The following SHROOM4 variants were observed in gnomAD, a reference collection of about 807,000 sequenced individuals.
SHROOM4 encodes the protein protein Shroom4.
In SHROOM4, 17 loss-of-function variants were observed where a neutral mutation model predicts 80.3. The ratio of observed to expected loss-of-function variants is 0.21; its 90% CI spans 0.14 to 0.32. The LOEUF (loss-of-function observed/expected upper bound fraction) is 0.32. Among genes scored for constraint, SHROOM4 ranks in the 10% least tolerant of loss-of-function variants. The pLI, the probability that SHROOM4 is intolerant of heterozygous loss-of-function variation, is 1.00. For missense variants in SHROOM4, 993 were observed against 1,140.3 expected (o/e 0.87, Z 1.86); for synonymous variants, 400 against 437.5 (o/e 0.91, Z 1.07).
At chrX:50,624,264 C>T (rs977613509) in intron 5 of SHROOM4, among the ~76,000 whole-genome samples, 6 of 111,841 alleles carry the variant, frequency 5.4e-5, no homozygotes, top group African/African-American at 1.6e-4. Flanking sequence ...CTATGCCTAC[C>T]GCTTTACTGA....
intron 2 of SHROOM4, among the ~76,000 whole-genome samples, chrX:50,661,730 T>A (rs987098118): frequency 2.7e-5 from 3 of 112,040 alleles, no homozygotes; most frequent in Middle Eastern, 4.2e-3. Context: ...ATTCAGACCT[T>A]TCCTGACTAG....
In SHROOM4 at chrX:50,725,420, G is replaced by A. The variant is rs932476829; in HGVS notation, c.118-29483C>T. Among the ~76,000 whole-genome samples the A allele has an allele frequency of 4.5e-5, 5 of 112,098 alleles. No homozygotes were observed. The Admixed American group carries it at 4.7e-4, about 11-fold the overall frequency. ...GGGCATAGGTTCCACGGTGGGAGGC[G>A]CAAGCAGAGAGTATCAGGGCCATAT... On this transcript the variant is annotated intron_variant, in intron 1 of 8. Coordinates refer to ENST00000376020, the MANE Select transcript of SHROOM4 (RefSeq NM_020717.5).
In SHROOM4 at chrX:50,634,019, A is replaced by T; in HGVS notation, c.2054T>A (p.Ile685Lys). The T allele has an allele frequency of 8.3e-7, 1 of 1,211,780 alleles. No homozygotes were observed. The highest frequency in any genetic ancestry group is 1.1e-6 in the Non-Finnish European group (1 of 895,439). ...HESRTGLEGRISPGQRPGQSS... is the reference protein window; with the variant it reads ...HESRTGLEGRKSPGQRPGQSS... Reference sequence around the variant, plus strand: ...CTGGCCAGGCCTCTGGCCAGGGCTTATTCGTCCCTCTAAGCCTGTCCTAGA... The same window carrying T: ...CTGGCCAGGCCTCTGGCCAGGGCTTTTTCGTCCCTCTAAGCCTGTCCTAGA... The change falls in exon 4 of 9, where the codon ATA becomes AAA. Residue 685 changes from isoleucine to lysine, a missense_variant. Ile to Lys is a moderately radical substitution (Grantham distance 102). Coordinates refer to ENST00000376020, the MANE Select transcript of SHROOM4 (RefSeq NM_020717.5).
At chrX:50,651,857 T>A (rs1025388513) in intron 2 of SHROOM4, among the ~76,000 whole-genome samples, 1 of 110,853 alleles carries the variant, frequency 9.0e-6, no homozygotes. Context: ...CCTGTGTTAG[T>A]TTACCTAGAA....
chrX:50,699,497 T>C (rs17003179), intron 1 of SHROOM4, among the ~76,000 whole-genome samples: 6,808 of 111,926 alleles, frequency 0.061, 554 homozygotes, highest in African/African-American at 0.21. Flanking sequence ...CTCAGCTTTT[T>C]GTCCCATTGT....
At chrX:50,740,203 G>A (rs1934618992) in intron 1 of SHROOM4, among the ~76,000 whole-genome samples, 1 of 94,451 alleles carries the variant, frequency 1.1e-5, no homozygotes, top group Admixed American at 1.2e-4. Flanking sequence ...GAGAGGGGAG[G>A]GATAGCATTA....
At chrX:50,728,516 C>T (rs1474232522) in intron 1 of SHROOM4, among the ~76,000 whole-genome samples, 1 of 112,191 alleles carries the variant, frequency 8.9e-6, no homozygotes, top group Admixed American at 9.4e-5. Context: ...ATTCTCCAAG[C>T]CACACACAGA....
rs141629603 is a variant in SHROOM4, at chrX:50,776,098, T to C, written c.117+37804A>G. ...CAAATCTTGTAGTCTTCCAATTCAATGGCTGCTAAACAGAGCCAGCCCTAT... is the reference window on the plus strand; with the variant it reads ...CAAATCTTGTAGTCTTCCAATTCAACGGCTGCTAAACAGAGCCAGCCCTAT... On this transcript the variant is annotated intron_variant, in intron 1 of 8. Coordinates refer to ENST00000376020, the MANE Select transcript of SHROOM4 (RefSeq NM_020717.5). 6.2e-4 allele frequency among the ~76,000 whole-genome samples: 69 copies of C among 111,020 alleles called. 1 individual carries two copies. In the East Asian group the frequency reaches 0.015, roughly 24 times the overall value.
In SHROOM4 at chrX:50,596,908, C is replaced by G. The variant is rs1462824027; in HGVS notation, c.4269G>C (p.Glu1423Asp). The G allele has an allele frequency of 8.3e-7, 1 of 1,210,215 alleles. No individual in the cohort carries two copies. The highest frequency in any genetic ancestry group is 1.7e-5 in the African/African-American group (1 of 57,365). The change falls in exon 9 of 9, where the codon GAG (glutamate) becomes GAC (aspartate). Residue 1423 changes from glutamate to aspartate, a missense_variant. Glu to Asp is a conservative substitution (Grantham distance 45). Transcript: ENST00000376020. ...QLTGQLADAK[E>D]LKEHVDRREK... ...CCCGGCGGTCCACGTGCTCCTTCAG[C>G]TCCTTGGCATCTGCCAACTGCCCCG...
At chrX:50,637,755 T>C (rs1486642689) in intron 3 of SHROOM4, among the ~76,000 whole-genome samples, 1 of 112,077 alleles carries the variant, frequency 8.9e-6, no homozygotes, top group Admixed American at 9.4e-5. Flanking sequence ...GCTTTGGCTA[T>C]GTGACAGAGG....
intron 2 of SHROOM4, among the ~76,000 whole-genome samples, chrX:50,655,451 C>A (rs1228583318): frequency 9.4e-5 from 10 of 106,608 alleles, no homozygotes; most frequent in Non-Finnish European, 1.7e-4. Context: ...GGATTTCCTT[C>A]TTTTTTATGG....
In SHROOM4 at chrX:50,634,302, T is replaced by A; in HGVS notation, c.1771A>T (p.Asn591Tyr). 8.3e-7 allele frequency: 1 copy of A among 1,211,096 alleles called. No individual in the cohort carries two copies. Residue 591 changes from asparagine to tyrosine, a missense_variant, in exon 4 of 9, where the codon AAT becomes TAT. Coordinates refer to ENST00000376020, the MANE Select transcript of SHROOM4 (RefSeq NM_020717.5). Reference sequence around the variant, plus strand: ...CTCCTCTGAATTTCATTACGCAGATTGGTAGCAAAACGCTCACTCTTCCGC... The same window carrying A: ...CTCCTCTGAATTTCATTACGCAGATAGGTAGCAAAACGCTCACTCTTCCGC... ...NRRKSERFAT[N>Y]LRNEIQRRKA...
In SHROOM4 at chrX:50,594,115, G is replaced by A. The variant is rs1220115402; in HGVS notation, c.*2580C>T. On this transcript the variant is annotated 3_prime_UTR_variant, in exon 9 of 9. Transcript: ENST00000376020. Reference sequence around the variant, plus strand: ...GTTAAGACTGATAACTGTCTTTGGGGATCTCCCTTGGCCTGCCTTCCAAAC... The same window carrying A: ...GTTAAGACTGATAACTGTCTTTGGGAATCTCCCTTGGCCTGCCTTCCAAAC... 1 of 112,159 alleles carries A rather than the reference G, an allele frequency of 8.9e-6. No homozygotes were observed. Among genetic ancestry groups the A allele is most frequent in the African/African-American group, 3.2e-5 (1 of 30,833 alleles). The allele number at this position is 112,159 out of a possible 1,213,427, so 9.2% of individuals were successfully genotyped here. A position where few individuals can be genotyped will look rare whatever the true frequency, so the allele number is the denominator to read the frequency against.
rs1011142261 is a variant in SHROOM4, at chrX:50,716,936, T to C, written c.118-20999A>G. Among the ~76,000 whole-genome samples the C allele has an allele frequency of 7.1e-5, 8 of 112,648 alleles. No homozygotes were observed. In the Admixed American group the frequency reaches 7.5e-4, roughly 11 times the overall value. ...TTCTTGTTATGTGAGATAATACATT[T>C]CCTAATTGTTTAAGCCAGTTAGAGT... On this transcript the variant is annotated intron_variant, in intron 1 of 8. Coordinates refer to ENST00000376020, the MANE Select transcript of SHROOM4 (RefSeq NM_020717.5).
At chrX:50,683,758 C>T (rs1287010386) in intron 2 of SHROOM4, among the ~76,000 whole-genome samples, 1 of 110,509 alleles carries the variant, frequency 9.0e-6, no homozygotes, top group African/African-American at 3.3e-5. Flanking sequence ...ATGAAGATAC[C>T]TAGAAAGAAG....
chrX:50,742,461 A>G (rs1471680594), intron 1 of SHROOM4, among the ~76,000 whole-genome samples: 1 of 111,178 alleles, frequency 9.0e-6, no homozygotes, highest in Non-Finnish European at 1.9e-5. Context: ...CCAGCATATG[A>G]CATTACATTT....
At chrX:50,576,281 G>T in the SHROOM4 span, among the ~76,000 whole-genome samples, 1 of 111,860 alleles carries the variant, frequency 8.9e-6, no homozygotes, top group African/African-American at 3.3e-5. Context: ...TCTGGAGAAG[G>T]CATGAGCCTA....
At chrX:50,579,547 T>C in the SHROOM4 span, among the ~76,000 whole-genome samples, 1 of 112,006 alleles carries the variant, frequency 8.9e-6, no homozygotes, top group Non-Finnish European at 1.9e-5. Context: ...GAGGGCTGTA[T>C]GGGAAGTAGA....
chrX:50,695,936 A>G lies in SHROOM4; in HGVS notation c.119T>C (p.Ile40Thr). The stretch of plus-strand genomic sequence containing the variant: ...CAAAGCTGCCTTGCCTCCATCTTCA[A>G]TCTGTGTTGCAGAGAACAAAACAGA... ...EHCEPLTVSK[I>T]EDGGKAALSQ... The change falls in exon 2 of 9, where the codon ATT becomes ACT. Residue 40 changes from isoleucine to threonine, a missense_variant and splice_region_variant. By Grantham distance (89) the Ile-to-Thr change is moderately conservative. Coordinates refer to ENST00000376020, the MANE Select transcript of SHROOM4 (RefSeq NM_020717.5). The G allele has an allele frequency of 3.3e-6, 4 of 1,211,692 alleles. No homozygotes were observed. Among genetic ancestry groups the G allele is most frequent in the Non-Finnish European group, 3.4e-6 (3 of 895,426 alleles).
Sources: gnomAD v4.1 joint callset for allele counts (sites outside exome capture counted in the v4.1 genomes callset) on GRCh38, gnomAD v4.1.1 for gene constraint, MANE v1.5 for transcripts, NCBI Gene and HGNC (gene_info 2026-07-23, HGNC 2026-07-21) for gene names.